The following C10orf71 variants were observed in gnomAD, a reference collection of about 807,000 sequenced individuals.
C10orf71 encodes cardiac-enriched FHL2-interacting protein.
For missense variants in C10orf71, 1,869 were observed against 1,804.5 expected (o/e 1.04, Z -0.65); for synonymous variants, 758 against 726.3 (o/e 1.04, Z -0.70).
rs137909935 is a variant in C10orf71 at position 49,309,857 on chromosome 10, T to A, written c.-247-6288T>A. On this transcript the variant is annotated intron_variant, in intron 1 of 2. Coordinates refer to ENST00000374144, the MANE Select transcript of C10orf71 (RefSeq NM_001135196.2). Reference sequence around the variant, plus strand: ...AGAAAGAAGAGCAAGAGGAATCAATTCCAATTTGTTAGAGCCTTCTGGGTG... The same window carrying A: ...AGAAAGAAGAGCAAGAGGAATCAATACCAATTTGTTAGAGCCTTCTGGGTG... Among the ~76,000 whole-genome samples, 541 of 152,280 alleles carry A rather than the reference T, an allele frequency of 3.6e-3. 1 individual carries two copies. Among genetic ancestry groups the A allele is most frequent in the Non-Finnish European group, 5.9e-3 (402 of 68,014 alleles).
Position 49,326,993 on chromosome 10 carries a change from T to A in C10orf71, c.*140T>A, listed in dbSNP as rs768597054. ...TCAACACATACTTAGCCTTTTTAGA[T>A]CCATAAAGTCCAGAAGGCAGTAGGG... On this transcript the variant is annotated 3_prime_UTR_variant, in exon 3 of 3. Coordinates refer to ENST00000374144, the MANE Select transcript of C10orf71 (RefSeq NM_001135196.2). The A allele has an allele frequency of 6.3e-7, 1 of 1,576,974 alleles. No individual in the cohort carries two copies. The highest frequency in any genetic ancestry group is 1.1e-5 in the South Asian group (1 of 87,392).
chr10:49,301,779 A>T (rs1417712147), intron 1 of C10orf71, among the ~76,000 whole-genome samples: 1 of 152,144 alleles, frequency 6.6e-6, no homozygotes, highest in East Asian at 1.9e-4. Flanking sequence ...CCCAACAACC[A>T]ATCAACCATG....
chr10:49,304,537 TCTGC>T (rs1461111301), intron 1 of C10orf71, among the ~76,000 whole-genome samples: 1 of 152,206 alleles, frequency 6.6e-6, no homozygotes, highest in African/African-American at 2.4e-5. Context: ...GCTCTGCTTC[TCTGC>T]CTGTGTCACG....
At chr10:49,319,658 T>C (rs1849057318) in intron 2 of C10orf71, among the ~76,000 whole-genome samples, 1 of 108,454 alleles carries the variant, frequency 9.2e-6, no homozygotes, top group African/African-American at 3.2e-5. Flanking sequence ...AAACGTGGTG[T>C]ATATATATGT....
Position 49,324,294 on chromosome 10 carries a change from C to T in C10orf71, c.1749C>T (p.Pro583=), listed in dbSNP as rs759592630. 2 of 1,613,920 alleles carry T rather than the reference C, an allele frequency of 1.2e-6. No homozygotes were observed. The highest frequency in any genetic ancestry group is 1.1e-5 in the South Asian group (1 of 91,062). The change falls in exon 3 of 3, where the codon CCC becomes CCT. Residue 583 remains proline (P), a synonymous_variant. Coordinates refer to ENST00000374144, the MANE Select transcript of C10orf71 (RefSeq NM_001135196.2). ...QKDPTADPSE[P]SADSYLTLST... Reference sequence around the variant, plus strand: ...ACCCTACAGCTGACCCCAGTGAGCCCTCTGCAGACAGCTATCTAACTCTTA... The same window carrying T: ...ACCCTACAGCTGACCCCAGTGAGCCTTCTGCAGACAGCTATCTAACTCTTA...
intron 1 of C10orf71, among the ~76,000 whole-genome samples, chr10:49,304,754 A>G (rs1274852576): frequency 1.3e-5 from 2 of 152,152 alleles, no homozygotes; most frequent in Non-Finnish European, 2.9e-5. Context: ...TGGAGAAAGG[A>G]TGGTTCCTGA....
chr10:49,316,482 G>C (rs1219550445), intron 2 of C10orf71, among the ~76,000 whole-genome samples: 2 of 152,144 alleles, frequency 1.3e-5, no homozygotes, highest in African/African-American at 4.8e-5. Context: ...TTTTCTGAAT[G>C]CTCTGAAGAT....
chr10:49,323,444 G>T lies in C10orf71; in HGVS notation c.899G>T (p.Ser300Ile). 6.2e-7 allele frequency: 1 copy of T among 1,614,024 alleles called. No homozygotes were observed. The highest frequency in any genetic ancestry group is 8.5e-7 in the Non-Finnish European group (1 of 1,179,896). ...RKDTAGTVPE[S>I]KAPKHYGDTT... Reference sequence around the variant, plus strand: ...GACACAGCTGGAACCGTCCCAGAAAGCAAAGCTCCCAAGCACTATGGGGAC... The same window carrying T: ...GACACAGCTGGAACCGTCCCAGAAATCAAAGCTCCCAAGCACTATGGGGAC... The change falls in exon 3 of 3, where the codon AGC (serine) becomes ATC (isoleucine). Residue 300 changes from serine (S) to isoleucine (I), a missense_variant. Transcript: ENST00000374144.
At position 49,324,500 on chromosome 10, in the gene C10orf71, G is replaced by A. The variant is rs1201021567; in HGVS notation, c.1955G>A (p.Arg652Lys). 1.2e-6 allele frequency: 2 copies of A among 1,611,310 alleles called. No individual in the cohort carries two copies. Among genetic ancestry groups the A allele is most frequent in the Non-Finnish European group, 8.5e-7 (1 of 1,178,594 alleles). The part of the protein sequence containing the change: ...RKHLSLRLCN[R>K]DPEPGGATEK... ...CACCTCTCCCTGAGGCTTTGCAATA[G>A]GGATCCTGAGCCTGGAGGGGCTACA... is the stretch of plus-strand genomic sequence containing the variant. The change falls in exon 3 of 3, where the codon AGG becomes AAG. Residue 652 changes from arginine (R) to lysine (K), a missense_variant. By Grantham distance (26) the Arg-to-Lys change is conservative. Transcript: ENST00000374144.
chr10:49,307,855 A>T (rs1211404187), intron 1 of C10orf71, among the ~76,000 whole-genome samples: 2 of 151,914 alleles, frequency 1.3e-5, no homozygotes, highest in Non-Finnish European at 2.9e-5. Flanking sequence ...GTGACTTCTC[A>T]TTTCTCCTGC....
chr10:49,309,886 T>G (rs1457818528), intron 1 of C10orf71, among the ~76,000 whole-genome samples: 1 of 152,214 alleles, frequency 6.6e-6, no homozygotes, highest in Admixed American at 6.5e-5. Flanking sequence ...CTGGGTGTGA[T>G]AAAGCCAACC....
chr10:49,311,325 G>A (rs74693428), intron 1 of C10orf71, among the ~76,000 whole-genome samples: 20,942 of 152,208 alleles, frequency 0.14, 1,745 homozygotes, highest in South Asian at 0.22. Flanking sequence ...GGACACATGA[G>A]GGTCTGGGAT....
chr10:49,325,718 A>G lies in C10orf71; in HGVS notation c.3173A>G (p.Asn1058Ser). ...CCCAGTGAGAGGGCGAATTCCCCCA[A>G]CCCCGGCTCCCCCGGGGAGAGCAGT... Reference protein sequence around the residue: ...LVPSERANSPNPGSPGESSAC... With the variant: ...LVPSERANSPSPGSPGESSAC... The change falls in exon 3 of 3, where the codon AAC becomes AGC. Residue 1058 changes from asparagine to serine, a missense_variant. By Grantham distance (46) the Asn-to-Ser change is conservative (BLOSUM62 1). Transcript: ENST00000374144. 1 of 1,551,476 alleles carries G rather than the reference A, an allele frequency of 6.4e-7. No individual in the cohort carries two copies. Among genetic ancestry groups the G allele is most frequent in the Non-Finnish European group, 8.7e-7 (1 of 1,146,890 alleles).
intron 1 of C10orf71, among the ~76,000 whole-genome samples, chr10:49,305,241 A>G (rs1489995897): frequency 2.6e-5 from 4 of 152,096 alleles, no homozygotes; most frequent in Non-Finnish European, 5.9e-5. Context: ...TGGGTCCCCA[A>G]AGTCACAGTG....
chr10:49,309,832 A>G (rs1331997498), intron 1 of C10orf71, among the ~76,000 whole-genome samples: 1 of 152,236 alleles, frequency 6.6e-6, no homozygotes, highest in Non-Finnish European at 1.5e-5. Flanking sequence ...AAACCAACCC[A>G]GAAAGAAGAG....
At chr10:49,319,682 C>CTATATATA (rs60174377) in intron 2 of C10orf71, among the ~76,000 whole-genome samples, 43 of 117,726 alleles carry the variant, frequency 3.7e-4, no homozygotes, top group East Asian at 9.6e-4. Flanking sequence ...CACACACAAG[C>CTATATATA]TATATATATA....
intron 1 of C10orf71, among the ~76,000 whole-genome samples, chr10:49,303,618 G>A (rs974903088): frequency 2.6e-5 from 4 of 152,182 alleles, no homozygotes; most frequent in South Asian, 2.1e-4. Context: ...GGGGGCAAGG[G>A]GCTGGCGCTG....
intron 1 of C10orf71, among the ~76,000 whole-genome samples, chr10:49,304,879 C>T (rs2132401306): frequency 6.6e-6 from 1 of 152,324 alleles, no homozygotes; most frequent in South Asian, 2.1e-4. Context: ...TACAGTTGTC[C>T]CTTCACCACC....
At chr10:49,318,693 C>A (rs1347848655) in intron 2 of C10orf71, among the ~76,000 whole-genome samples, 3 of 152,230 alleles carry the variant, frequency 2.0e-5, no homozygotes, top group African/African-American at 7.2e-5. Context: ...GGATTAAAGA[C>A]AAACATTACT....
Sources: gnomAD v4.1 joint callset for allele counts (sites outside exome capture counted in the v4.1 genomes callset) on GRCh38, gnomAD v4.1.1 for gene constraint, MANE v1.5 for transcripts, NCBI Gene and HGNC (gene_info 2026-07-23, HGNC 2026-07-21) for gene names.